ERBB4: variants seen among roughly 807,000 people sequenced by gnomAD.
ERBB4 encodes the protein receptor tyrosine-protein kinase erbB-4.
A neutral mutation model predicts 158.0 loss-of-function variants in ERBB4; 42 were observed. The observed-to-expected ratio is 0.27, with a 90% CI of 0.21 to 0.34. The LOEUF (loss-of-function observed/expected upper bound fraction) is 0.34. ERBB4 is among the 10% of genes least tolerant of loss of function. ERBB4 has a pLI of 1.00. For missense variants in ERBB4, 1,333 were observed against 1,624.1 expected, an observed-to-expected ratio of 0.82 and a Z score of 3.08; for synonymous variants, 583 against 558.7, an observed-to-expected ratio of 1.04 and a Z score of -0.61.
chr2:211,580,798 A>ATATATATATAATATATATATAT (rs2068048149), intron 19 of ERBB4, among the ~76,000 whole-genome samples: 1 of 63,616 alleles, frequency 1.6e-5, no homozygotes, highest in Non-Finnish European at 2.4e-5. Context: ...ATATATATAT[A>ATATATATATAATATATATATAT]TATATATATA....
chr2:211,814,463 AAT>A (rs1166244437), intron 3 of ERBB4, among the ~76,000 whole-genome samples: 13 of 152,258 alleles, frequency 8.5e-5, no homozygotes, highest in Admixed American at 7.8e-4. Context: ...TATTGTAGCA[AAT>A]TGCACAGAAA....
Position 211,383,553 on chromosome 2 carries a change from A to C in ERBB4, c.*62T>G. On this transcript the variant is annotated 3_prime_UTR_variant, in exon 28 of 28. Coordinates refer to ENST00000342788, the MANE Select transcript of ERBB4 (RefSeq NM_005235.3). The stretch of plus-strand genomic sequence containing the variant: ...GGGTAGAAGGAAGACCACCAGAGAA[A>C]GAGAGGGGGGTGGGGAAATTGGAGC... 7.1e-7 allele frequency: 1 copy of C among 1,401,744 alleles called. No individual in the cohort carries two copies. Among genetic ancestry groups the C allele is most frequent in the Non-Finnish European group, 1.0e-6 (1 of 989,652 alleles). The allele number at this position is 1,401,744 out of a possible 1,614,324, so 86.8% of individuals were successfully genotyped here. A position where few individuals can be genotyped will look rare whatever the true frequency, so the allele number is the denominator to read the frequency against.
At chr2:212,181,234 T>C (rs1028042870) in intron 1 of ERBB4, among the ~76,000 whole-genome samples, 2 of 151,736 alleles carry the variant, frequency 1.3e-5, no homozygotes, top group Non-Finnish European at 3.0e-5. Context: ...CTTGGTTTTA[T>C]ATTAATCTTT....
chr2:211,803,216 T>C (rs928446564), intron 3 of ERBB4, among the ~76,000 whole-genome samples: 2 of 152,136 alleles, frequency 1.3e-5, no homozygotes, highest in Admixed American at 1.3e-4. Flanking sequence ...TTCAGAATAG[T>C]CAAAGAAAAG....
chr2:211,710,392 T>C lies in ERBB4; in HGVS notation c.1124+1658A>G, dbSNP rs1011233533. On this transcript the variant is annotated intron_variant, in intron 9 of 27. Transcript: ENST00000342788. ...GTATTTGGTTTTAAATATAGTCAAATTGTGGGTATATTGCCTTACTAAATG... is the reference window on the plus strand; with the variant it reads ...GTATTTGGTTTTAAATATAGTCAAACTGTGGGTATATTGCCTTACTAAATG... Among the ~76,000 whole-genome samples the C allele has an allele frequency of 7.2e-5, 11 of 152,264 alleles. No homozygotes were observed. The East Asian group carries it at 1.5e-3, about 21-fold the overall frequency.
At chr2:212,340,503 G>A (rs573732161) in intron 1 of ERBB4, among the ~76,000 whole-genome samples, 12 of 152,296 alleles carry the variant, frequency 7.9e-5, no homozygotes, top group African/African-American at 2.6e-4. Flanking sequence ...CCATCTGGGG[G>A]TGATGATAGA....
intron 1 of ERBB4, among the ~76,000 whole-genome samples, chr2:212,367,597 TAAACA>T (rs1391868796): frequency 2.6e-5 from 4 of 152,028 alleles, no homozygotes; most frequent in Admixed American, 2.0e-4. Context: ...GGGACTTAAT[TAAACA>T]AAAGAGCTTT....
intron 2 of ERBB4, among the ~76,000 whole-genome samples, chr2:212,064,878 AT>A (rs2077891227): frequency 6.6e-6 from 1 of 151,954 alleles, no homozygotes; most frequent in South Asian, 2.1e-4. Flanking sequence ...AAAATTTCTG[AT>A]TTTGTAATTG....
intron 3 of ERBB4, among the ~76,000 whole-genome samples, chr2:211,838,291 C>T (rs1407590495): frequency 3.3e-5 from 5 of 151,942 alleles, no homozygotes. Context: ...GAAAGTTATC[C>T]AAGCTCTTGA....
chr2:211,847,468 A>T (rs1436917681), intron 3 of ERBB4, among the ~76,000 whole-genome samples: 2 of 152,134 alleles, frequency 1.3e-5, no homozygotes, highest in African/African-American at 4.8e-5. Context: ...CAAATGGCCC[A>T]ATGCACAACT....
intron 9 of ERBB4, among the ~76,000 whole-genome samples, chr2:211,708,039 G>C (rs188024885): frequency 2.6e-5 from 4 of 151,946 alleles, no homozygotes; most frequent in Non-Finnish European, 5.9e-5. Context: ...TTCACTGTAA[G>C]TTTTCTGCTT....
chr2:212,094,777 A>G (rs1235852760), intron 2 of ERBB4, among the ~76,000 whole-genome samples: 1 of 152,150 alleles, frequency 6.6e-6, no homozygotes, highest in Non-Finnish European at 1.5e-5. Context: ...TAAATTATAC[A>G]GTCTCAGGTA....
At chr2:212,061,305 T>A (rs945869394) in intron 2 of ERBB4, among the ~76,000 whole-genome samples, 14 of 151,482 alleles carry the variant, frequency 9.2e-5, no homozygotes, top group African/African-American at 3.2e-4. Context: ...ATACAAAACT[T>A]AGCAGGGTGT....
At chr2:212,020,658 G>C (rs773372221) in intron 2 of ERBB4, among the ~76,000 whole-genome samples, 2 of 151,988 alleles carry the variant, frequency 1.3e-5, no homozygotes, top group African/African-American at 4.8e-5. Context: ...CATACACTAA[G>C]AATAAAATAC....
chr2:212,447,501 T>C (rs1182748915), intron 1 of ERBB4, among the ~76,000 whole-genome samples: 1 of 152,184 alleles, frequency 6.6e-6, no homozygotes, highest in African/African-American at 2.4e-5. Flanking sequence ...ATTTGTAGCA[T>C]GGAACATGTT....
intron 3 of ERBB4, among the ~76,000 whole-genome samples, chr2:211,885,505 G>C (rs1224651286): frequency 6.6e-6 from 1 of 152,028 alleles, no homozygotes; most frequent in Non-Finnish European, 1.5e-5. Context: ...ACCCAGGCTG[G>C]AGTATACTGG....
intron 2 of ERBB4, among the ~76,000 whole-genome samples, chr2:211,991,961 A>G (rs2082083998): frequency 1.3e-5 from 2 of 152,132 alleles, no homozygotes; most frequent in African/African-American, 4.8e-5. Context: ...AGGGGACAGG[A>G]CAATGTGAAG....
chr2:211,716,696 AC>A (rs1270445389), intron 7 of ERBB4, among the ~76,000 whole-genome samples: 9 of 128,464 alleles, frequency 7.0e-5, no homozygotes, highest in African/African-American at 2.3e-4. Flanking sequence ...AACAACAACA[AC>A]AACAAAACAA....
chr2:211,924,311 T>C (rs1220227453), intron 3 of ERBB4, among the ~76,000 whole-genome samples: 2 of 152,134 alleles, frequency 1.3e-5, no homozygotes, highest in African/African-American at 4.8e-5. Flanking sequence ...GAAAAGGTTA[T>C]AGTACATTCA....
Sources: allele counts gnomAD v4.1 joint callset (sites outside exome capture counted in the v4.1 genomes callset), GRCh38; gene constraint gnomAD v4.1.1; transcripts MANE v1.5; gene names NCBI Gene and HGNC (gene_info 2026-07-23, HGNC 2026-07-21).